ZFHX4: variants seen among roughly 807,000 people sequenced by gnomAD.
ZFHX4 encodes zinc finger homeobox protein 4.
Under a neutral mutation model 267.6 loss-of-function variants are expected in ZFHX4, and 56 were observed. That is an observed-to-expected ratio of 0.21 (90% CI 0.17 to 0.26). The LOEUF (loss-of-function observed/expected upper bound fraction) is 0.26. ZFHX4 is among the 10% of genes least tolerant of loss of function. ZFHX4 has a pLI of 1.00. For synonymous variants in ZFHX4, 1,778 were observed against 1,665.6 expected (o/e 1.07, Z -1.64); for missense variants, 4,332 against 4,420.0 (o/e 0.98, Z 0.56).
intron 3 of ZFHX4, among the ~76,000 whole-genome samples, chr8:76,739,393 T>C (rs1563493995): frequency 6.6e-6 from 1 of 152,170 alleles, no homozygotes; most frequent in Non-Finnish European, 1.5e-5. Context: ...TATAACTACC[T>C]CATGGTTCCT....
chr8:76,791,768 G>T (rs540319317), intron 4 of ZFHX4, among the ~76,000 whole-genome samples: 21 of 152,176 alleles, frequency 1.4e-4, no homozygotes, highest in African/African-American at 5.1e-4. Flanking sequence ...TAAATTATCT[G>T]TAACTTTTAA....
At chr8:76,782,349 G>A (rs951000081) in intron 4 of ZFHX4, 4 of 189,624 alleles carry the variant, frequency 2.1e-5, no homozygotes, top group Non-Finnish European at 3.4e-5. Flanking sequence ...TATAAATGGG[G>A]CATCACTTAC....
intron 4 of ZFHX4, among the ~76,000 whole-genome samples, chr8:76,787,273 T>C (rs1810716191): frequency 6.6e-6 from 1 of 152,096 alleles, no homozygotes; most frequent in Non-Finnish European, 1.5e-5. Context: ...AGAACCCAGA[T>C]AAGGTAGCTA....
intron 8 of ZFHX4, 44 bp from the exon 9 acceptor site, chr8:76,850,201 G>A (rs779483925): frequency 6.9e-7 from 1 of 1,454,304 alleles, no homozygotes; most frequent in African/African-American, 1.4e-5. Flanking sequence ...TGGAATTTGT[G>A]ATTTCTGGGG....
At chr8:76,834,316 C>T in intron 5 of ZFHX4, 1 of 260,426 alleles carries the variant, frequency 3.8e-6, no homozygotes, top group Non-Finnish European at 7.9e-6. Flanking sequence ...ACCAAACTGT[C>T]TTCCAAAGTG....
chr8:76,855,556 G>T lies in ZFHX4; in HGVS notation c.8635G>T (p.Asp2879Tyr). ...CCCATCCATCCATTTCAATGACAAAGATGGCGACCACGACCAAAGCTTTTA... is the reference window on the plus strand; with the variant it reads ...CCCATCCATCCATTTCAATGACAAATATGGCGACCACGACCAAAGCTTTTA... ...TSPSIHFNDK[D>Y]GDHDQSFYIT... The change falls in exon 10 of 11, where the codon GAT (aspartate) becomes TAT (tyrosine). Residue 2879 changes from aspartate (D) to tyrosine (Y), a missense_variant. Physicochemically the swap from Asp to Tyr is radical, Grantham distance 160. This residue lies in a region of ZFHX4 where 1,648 missense variants were observed against 1,625.0 expected (regional missense o/e 1.01). Transcript: ENST00000651372. The T allele has an allele frequency of 5.0e-6, 8 of 1,613,848 alleles. No individual in the cohort carries two copies. Among genetic ancestry groups the T allele is most frequent in the Non-Finnish European group, 6.8e-6 (8 of 1,179,858 alleles).
At chr8:76,849,837 C>A in intron 8 of ZFHX4, 125 bp downstream of exon 8, 2 of 1,074,880 alleles carry the variant, frequency 1.9e-6, no homozygotes, top group East Asian at 2.6e-5. Flanking sequence ...TGTTATTGCT[C>A]GTGTTATAGT....
intron 4 of ZFHX4, among the ~76,000 whole-genome samples, chr8:76,813,916 A>G (rs183798466): frequency 1.3e-5 from 2 of 152,280 alleles, no homozygotes; most frequent in African/African-American, 4.8e-5. Context: ...TGGACTTTAT[A>G]TTACAGAAAA....
At chr8:76,797,614 G>A (rs1002055835) in intron 4 of ZFHX4, among the ~76,000 whole-genome samples, 4 of 152,074 alleles carry the variant, frequency 2.6e-5, no homozygotes, top group Non-Finnish European at 5.9e-5. Context: ...TTTTACTTGC[G>A]TTAATCAACT....
intron 3 of ZFHX4, among the ~76,000 whole-genome samples, chr8:76,716,841 G>A (rs905117373): frequency 4.6e-5 from 7 of 152,120 alleles, no homozygotes; most frequent in Non-Finnish European, 1.0e-4. Context: ...TTACTGGCAT[G>A]TTTGGGTATT....
chr8:76,850,167 G>A (rs1053197385), intron 8 of ZFHX4, 78 bp from the exon 9 acceptor site: 1 of 1,172,020 alleles, frequency 8.5e-7, no homozygotes, highest in African/African-American at 1.5e-5. Context: ...AGTGGGATAT[G>A]CTACCAGCAA....
chr8:76,864,379 C>G lies in ZFHX4; in HGVS notation c.10665C>G (p.Thr3555=). The change falls in exon 11 of 11, where the codon ACC becomes ACG. Residue 3555 remains threonine, a synonymous_variant. Coordinates refer to ENST00000651372, the MANE Select transcript of ZFHX4 (RefSeq NM_024721.5). ...PPSLSLPSTV[T]SSLCSTSGVQ... is the part of the protein sequence containing the mutation. ...CCCTTTCCTTGCCTTCAACGGTTAC[C>G]TCAAGTTTGTGCAGCACCTCAGGGG... 1 of 1,613,818 alleles carries G rather than the reference C, an allele frequency of 6.2e-7. No homozygotes were observed. The highest frequency in any genetic ancestry group is 8.5e-7 in the Non-Finnish European group (1 of 1,179,872).
chr8:76,691,373 T>A (rs1807819233), intron 1 of ZFHX4, among the ~76,000 whole-genome samples: 1 of 152,072 alleles, frequency 6.6e-6, no homozygotes, highest in Admixed American at 6.6e-5. Flanking sequence ...GTATTTATCA[T>A]AATCATAAAC....
In ZFHX4 at chr8:76,855,316, G is replaced by GATTTT; in HGVS notation, c.8396_8400dup (p.Asp2801IlefsTer35). 1 of 1,613,538 alleles carries GATTTT rather than the reference G, an allele frequency of 6.2e-7. No homozygotes were observed. The highest frequency in any genetic ancestry group is 1.7e-4 in the Middle Eastern group (1 of 6,060). ...GGCTGGGTATGATCAAAATAAAACC[G>GATTTT]ATTTTGATGAGACTTCATCGATTAA... On this transcript the variant is annotated frameshift_variant, in exon 10 of 11. Coordinates refer to ENST00000651372, the MANE Select transcript of ZFHX4 (RefSeq NM_024721.5). LOFTEE classifies it high-confidence loss of function.
chr8:76,737,292 GA>G (rs1436940027), intron 3 of ZFHX4, among the ~76,000 whole-genome samples: 1 of 152,064 alleles, frequency 6.6e-6, no homozygotes, highest in Non-Finnish European at 1.5e-5. Context: ...TCGACTTTAA[GA>G]AAATATCAGA....
intron 4 of ZFHX4, among the ~76,000 whole-genome samples, chr8:76,807,021 C>A (rs1215271464): frequency 6.6e-6 from 1 of 152,124 alleles, no homozygotes; most frequent in Non-Finnish European, 1.5e-5. Context: ...TTGCCACTTG[C>A]TATCACTTAA....
chr8:76,839,447 G>A (rs1339551133), intron 5 of ZFHX4, among the ~76,000 whole-genome samples: 1 of 152,022 alleles, frequency 6.6e-6, no homozygotes, highest in African/African-American at 2.4e-5. Context: ...TGAAAATTGG[G>A]ATGTTCAAAT....
At chr8:76,701,918 T>A (rs1476493613) in intron 1 of ZFHX4, among the ~76,000 whole-genome samples, 1 of 152,174 alleles carries the variant, frequency 6.6e-6, no homozygotes, top group African/African-American at 2.4e-5. Flanking sequence ...TTTAGTATTA[T>A]TCACCACCTT....
chr8:76,842,677 A>T lies in ZFHX4; in HGVS notation c.3417A>T (p.Glu1139Asp). The change falls in exon 6 of 11, where the codon GAA (glutamate) becomes GAT (aspartate). Residue 1139 changes from glutamate (E) to aspartate (D), a missense_variant. Physicochemically the swap from Glu to Asp is conservative, Grantham distance 45 (BLOSUM62 2). This residue lies in a region of ZFHX4 where 1,371 missense variants were observed against 1,423.1 expected (regional missense o/e 0.96). Coordinates refer to ENST00000651372, the MANE Select transcript of ZFHX4 (RefSeq NM_024721.5). ...STSEEQSEEA[E>D]GAIKPTAVAE... ...CAGAAGAACAAAGTGAGGAGGCAGA[A>T]GGAGCTATTAAGCCTACAGCAGTGG... 1 of 1,552,818 alleles carries T rather than the reference A, an allele frequency of 6.4e-7. No homozygotes were observed. The highest frequency in any genetic ancestry group is 8.7e-7 in the Non-Finnish European group (1 of 1,147,612).
Sources: allele counts gnomAD v4.1 joint callset (sites outside exome capture counted in the v4.1 genomes callset), GRCh38; gene constraint gnomAD v4.1.1; regional missense constraint gnomAD v4.1.1; transcripts MANE v1.5; gene names NCBI Gene and HGNC (gene_info 2026-07-23, HGNC 2026-07-21).